The following ARHGAP21 variants were observed in gnomAD, a reference collection of about 807,000 sequenced individuals.
ARHGAP21 encodes Rho GTPase activating protein 21, also known as rho GTPase-activating protein 21.
A neutral mutation model predicts 164.6 loss-of-function variants in ARHGAP21; 38 were observed. The observed-to-expected ratio is 0.23, with a 90% CI of 0.18 to 0.30. ARHGAP21 has a LOEUF of 0.30. Among genes scored for constraint, ARHGAP21 ranks in the 10% least tolerant of loss-of-function variants. ARHGAP21 has a pLI of 1.00. For synonymous variants in ARHGAP21, 766 were observed against 857.9 expected (o/e 0.89, Z 1.87); for missense variants, 1,822 against 2,370.7 (o/e 0.77, Z 4.81).
At chr10:24,663,373 T>C (rs1839890265) in intron 4 of ARHGAP21, among the ~76,000 whole-genome samples, 1 of 152,244 alleles carries the variant, frequency 6.6e-6, no homozygotes, top group Non-Finnish European at 1.5e-5. Context: ...ATATGCAGCC[T>C]TGAATATCCA....
At position 24,584,779 on chromosome 10, in the gene ARHGAP21, C is replaced by T. The variant is rs777471095; in HGVS notation, c.5510G>A (p.Arg1837Gln). 1.3e-5 allele frequency: 21 copies of T among 1,613,952 alleles called. 1 individual carries two copies. The highest frequency in any genetic ancestry group is 4.5e-5 in the East Asian group (2 of 44,884). ...CTGGGCTGAGCATTTTGGTTTTAACCGGTTTACAGCTGAAAGTTCAGATTC... is the reference window on the plus strand; with the variant it reads ...CTGGGCTGAGCATTTTGGTTTTAACTGGTTTACAGCTGAAAGTTCAGATTC... Reference protein sequence around the residue: ...ERESELSAVNRLKPKCSAQDL... With the variant: ...ERESELSAVNQLKPKCSAQDL... The change falls in exon 26 of 26, where the codon CGG (arginine) becomes CAG (glutamine). Residue 1837 changes from arginine (R) to glutamine (Q), a missense_variant. Transcript: ENST00000396432.
intron 2 of ARHGAP21, among the ~76,000 whole-genome samples, chr10:24,681,395 G>A (rs900510892): frequency 4.6e-5 from 7 of 152,166 alleles, no homozygotes; most frequent in African/African-American, 1.7e-4. Flanking sequence ...AGATAGGGCT[G>A]TCACAAAAGT....
In ARHGAP21 at chr10:24,691,082, TG is replaced by T. The variant is rs1842731433; in HGVS notation, c.64-20686del. On this transcript the variant is annotated intron_variant, in intron 2 of 25. Transcript: ENST00000396432. Reference sequence around the variant, plus strand: ...AACTCAAAGCAAAATCCCTGGGAACTGGAAAGGAAGCTTAAAATACACAGAA... The same window carrying T: ...AACTCAAAGCAAAATCCCTGGGAACTGAAAGGAAGCTTAAAATACACAGAA... Among the ~76,000 whole-genome samples, 8 of 152,226 alleles carry T rather than the reference TG, an allele frequency of 5.3e-5. No individual in the cohort carries two copies. The South Asian group carries it at 1.7e-3, about 32-fold the overall frequency.
At chr10:24,598,316 A>G (rs913196811) in intron 14 of ARHGAP21, among the ~76,000 whole-genome samples, 1 of 152,266 alleles carries the variant, frequency 6.6e-6, no homozygotes, top group Non-Finnish European at 1.5e-5. Flanking sequence ...ATGACTAGGA[A>G]GCAGCCAGTG....
At chr10:24,592,418 A>AT (rs897589335) in intron 21 of ARHGAP21, among the ~76,000 whole-genome samples, 1 of 152,040 alleles carries the variant, frequency 6.6e-6, no homozygotes, top group Admixed American at 6.5e-5. Context: ...ATTAGCATTC[A>AT]TTTTTTTCCA....
intron 17 of ARHGAP21, chr10:24,596,291 A>C (rs1481013693): frequency 2.2e-6 from 1 of 449,562 alleles, no homozygotes; most frequent in East Asian, 3.7e-5. Context: ...AAAAGGAAGT[A>C]ACAACAGGTA....
chr10:24,635,312 A>T (rs1362582452), intron 4 of ARHGAP21, among the ~76,000 whole-genome samples: 1 of 152,194 alleles, frequency 6.6e-6, no homozygotes, highest in African/African-American at 2.4e-5. Flanking sequence ...TGACAACCAC[A>T]ACACTGTAAT....
chr10:24,667,919 A>C (rs1478683425), intron 3 of ARHGAP21, among the ~76,000 whole-genome samples: 1 of 152,262 alleles, frequency 6.6e-6, no homozygotes, highest in Non-Finnish European at 1.5e-5. Flanking sequence ...TTTCATAATT[A>C]AAATGGAAAA....
chr10:24,600,956 A>G (rs761675362), intron 13 of ARHGAP21, 26 bp from the exon 14 acceptor site: 2 of 1,598,468 alleles, frequency 1.3e-6, no homozygotes, highest in Non-Finnish European at 1.7e-6. Flanking sequence ...CAGTTCTTTA[A>G]TAGTCAATAT....
chr10:24,602,742 G>A (rs2076866611), intron 12 of ARHGAP21, among the ~76,000 whole-genome samples: 1 of 152,180 alleles, frequency 6.6e-6, no homozygotes, highest in Non-Finnish European at 1.5e-5. Flanking sequence ...TCTGTCAAGA[G>A]TGGATTCTAA....
At chr10:24,692,320 G>A (rs907705240) in intron 2 of ARHGAP21, among the ~76,000 whole-genome samples, 4 of 152,210 alleles carry the variant, frequency 2.6e-5, no homozygotes, top group African/African-American at 9.6e-5. Flanking sequence ...TATAGGCATG[G>A]AGTCGATGAA....
At chr10:24,618,388 A>G (rs1173580771) in intron 9 of ARHGAP21, among the ~76,000 whole-genome samples, 1 of 152,200 alleles carries the variant, frequency 6.6e-6, no homozygotes, top group African/African-American at 2.4e-5. Flanking sequence ...CATGTAACAA[A>G]AAAACAAAAC....
rs185297897 is a variant in ARHGAP21 at position 24,629,439 on chromosome 10, A to G, written c.495+557T>C. On this transcript the variant is annotated intron_variant, in intron 7 of 25. Coordinates refer to ENST00000396432, the MANE Select transcript of ARHGAP21 (RefSeq NM_020824.4). ...AGTTTTCAAGTTTCATTTCAAGACC[A>G]TAACATATTTTCCCCTTAAGTTGTA... is the stretch of plus-strand genomic sequence containing the variant. The G allele has an allele frequency of 2.6e-5, 4 of 152,480 alleles. 1 individual carries two copies. Among genetic ancestry groups the G allele is most frequent in the Non-Finnish European group, 4.4e-5 (3 of 68,162 alleles). The allele number at this position is 152,480 out of a possible 1,614,324, so 9.4% of individuals were successfully genotyped here.
intron 2 of ARHGAP21, among the ~76,000 whole-genome samples, chr10:24,672,822 G>C (rs965426432): frequency 6.6e-6 from 1 of 151,950 alleles, no homozygotes; most frequent in Middle Eastern, 3.4e-3. Context: ...ATATGATTGA[G>C]TTCTAGTAAA....
At chr10:24,702,016 C>T (rs1226539699) in intron 2 of ARHGAP21, among the ~76,000 whole-genome samples, 1 of 151,666 alleles carries the variant, frequency 6.6e-6, no homozygotes, top group Non-Finnish European at 1.5e-5. Context: ...TGCACAACTT[C>T]TTGTATCTGG....
intron 7 of ARHGAP21, among the ~76,000 whole-genome samples, chr10:24,628,840 TATAC>T (rs1835426910): frequency 7.0e-6 from 1 of 143,680 alleles, no homozygotes; most frequent in African/African-American, 2.6e-5. Flanking sequence ...TATGTACATA[TATAC>T]ACATACATAT....
chr10:24,590,562 G>C, intron 24 of ARHGAP21: 2 of 1,485,424 alleles, frequency 1.3e-6, no homozygotes, highest in Non-Finnish European at 8.9e-7. Context: ...TAGAGACAAA[G>C]GGAGAACATT....
At chr10:24,661,672 A>C (rs923476187) in intron 4 of ARHGAP21, among the ~76,000 whole-genome samples, 2 of 152,244 alleles carry the variant, frequency 1.3e-5, no homozygotes, top group Non-Finnish European at 2.9e-5. Context: ...AAAATTCTAC[A>C]TAAGAAGGAT....
chr10:24,606,702 T>C (rs1488676526), intron 11 of ARHGAP21, among the ~76,000 whole-genome samples: 1 of 152,038 alleles, frequency 6.6e-6, no homozygotes, highest in African/African-American at 2.4e-5. Context: ...GATACAAACT[T>C]AGGTGGCACA....
Sources: allele counts gnomAD v4.1 joint callset (sites outside exome capture counted in the v4.1 genomes callset), GRCh38; gene constraint gnomAD v4.1.1; transcripts MANE v1.5; gene names NCBI Gene and HGNC (gene_info 2026-07-23, HGNC 2026-07-21).